ANKMY1: variants seen among roughly 807,000 people sequenced by gnomAD.
ANKMY1 encodes ankyrin repeat and MYND domain-containing protein 1.
Under a neutral mutation model 102.0 loss-of-function variants are expected in ANKMY1, and 98 were observed. That is an observed-to-expected ratio of 0.96 (90% confidence interval 0.82 to 1.14). The LOEUF is 1.14. ANKMY1 is among the 50% of genes most tolerant of loss of function. The pLI, the probability that ANKMY1 is intolerant of heterozygous loss-of-function variation, is 0.00. For synonymous variants in ANKMY1, 582 were observed against 559.9 expected (o/e 1.04, Z -0.56); for missense variants, 1,330 against 1,347.6 (o/e 0.99, Z 0.20).
chr2:240,528,174 C>A (rs2084328429), intron 5 of ANKMY1, among the ~76,000 whole-genome samples: 1 of 151,864 alleles, frequency 6.6e-6, no homozygotes, highest in Non-Finnish European at 1.5e-5. Flanking sequence ...GTAATCCCAG[C>A]TACTCGGGAG....
intron 15 of ANKMY1, among the ~76,000 whole-genome samples, chr2:240,483,652 T>TTCTTCCTTTAC (rs1436209072): frequency 5.3e-5 from 8 of 152,228 alleles, no homozygotes; most frequent in African/African-American, 1.7e-4. Flanking sequence ...TCTTCCTTTA[T>TTCTTCCTTTAC]TCTTCCTTTA....
intron 9 of ANKMY1, among the ~76,000 whole-genome samples, chr2:240,517,789 G>A (rs1377544634): frequency 6.6e-6 from 1 of 152,166 alleles, no homozygotes; most frequent in Non-Finnish European, 1.5e-5. Context: ...CTAGGTGACA[G>A]AGTGGGACCC....
chr2:240,500,267 A>G, intron 14 of ANKMY1, 144 bp from the exon 15 acceptor site: 3 of 1,212,720 alleles, frequency 2.5e-6, no homozygotes, highest in Non-Finnish European at 1.1e-6. Flanking sequence ...CTGGGAGCAC[A>G]TACAGCTGCA....
chr2:240,550,674 G>T (rs1212347833), intron 4 of ANKMY1, among the ~76,000 whole-genome samples: 1 of 151,846 alleles, frequency 6.6e-6, no homozygotes, highest in African/African-American at 2.4e-5. Context: ...ATTGTGAGGT[G>T]GTATTTAACT....
chr2:240,498,322 T>C (rs2077552241), intron 15 of ANKMY1, among the ~76,000 whole-genome samples: 1 of 150,374 alleles, frequency 6.7e-6, no homozygotes, highest in Non-Finnish European at 1.5e-5. Context: ...GGTGGGCACA[T>C]GTGTGACGGC....
At chr2:240,484,426 A>G (rs1298020996) in intron 15 of ANKMY1, among the ~76,000 whole-genome samples, 1 of 152,244 alleles carries the variant, frequency 6.6e-6, no homozygotes, top group African/African-American at 2.4e-5. Context: ...ATCTTTGACA[A>G]ACCTGACAAA....
intron 5 of ANKMY1, chr2:240,527,166 A>AGATGAATAGATGGATAAGTGGGTGGGTG: frequency 5.7e-6 from 1 of 174,082 alleles, no homozygotes. Flanking sequence ...GTGGGTGGGT[A>AGATGAATAGATGGATAAGTGGGTGGGTG]GATGAATAGA....
upstream of ANKMY1, among the ~76,000 whole-genome samples, chr2:240,558,885 GT>G (rs1382631243): frequency 6.6e-6 from 1 of 152,070 alleles, no homozygotes; most frequent in Non-Finnish European, 1.5e-5. Context: ...TCAGAAAAAT[GT>G]TTCATTAAAA....
intron 5 of ANKMY1, chr2:240,526,674 C>T (rs2083491991): frequency 7.0e-7 from 1 of 1,424,824 alleles, no homozygotes; most frequent in Non-Finnish European, 9.1e-7. Context: ...GATGCTTGGG[C>T]TATATGTCTG....
intron 9 of ANKMY1, among the ~76,000 whole-genome samples, chr2:240,517,025 GC>G (rs1184614104): frequency 1.3e-5 from 2 of 152,168 alleles, no homozygotes; most frequent in African/African-American, 4.8e-5. Flanking sequence ...AGAATTTGAA[GC>G]TTTTTTCTCT....
rs776684057 is a variant in ANKMY1, at chr2:240,511,918, C to T, written c.2229G>A (p.Pro743=). ...GCAGAGCCGTCCTGCCCCCCTCCTC[C>T]GGGAGGGCTGTGTCCGTGCTGTAGT... ...QAYYSTDTAL[P]EEGGRTALHM... Residue 743 remains proline (P), a synonymous_variant, in exon 11 of 18, where the codon CCG becomes CCA. Coordinates refer to ENST00000401804, the MANE Select transcript of ANKMY1 (RefSeq NM_001282771.3). The T allele has an allele frequency of 1.6e-5, 25 of 1,582,350 alleles. No homozygotes were observed. Among genetic ancestry groups the T allele is most frequent in the African/African-American group, 4.1e-5 (3 of 72,358 alleles).
chr2:240,524,283 A>G lies in ANKMY1; in HGVS notation c.1434T>C (p.Gly478=), dbSNP rs2082915292. The G allele has an allele frequency of 6.2e-7, 1 of 1,613,692 alleles. No homozygotes were observed. Among genetic ancestry groups the G allele is most frequent in the Non-Finnish European group, 8.5e-7 (1 of 1,180,036 alleles). ...LYYEVNVPSQ[G]SYELRPPPAP... Reference sequence around the variant, plus strand: ...CTGGCGGTGGCCTCAGCTCATAGCTACCCTGGGAAGGCACGTTCACCTCAT... The same window carrying G: ...CTGGCGGTGGCCTCAGCTCATAGCTGCCCTGGGAAGGCACGTTCACCTCAT... Residue 478 remains glycine (G), a synonymous_variant, in exon 8 of 18, where the codon GGT becomes GGC. Coordinates refer to ENST00000401804, the MANE Select transcript of ANKMY1 (RefSeq NM_001282771.3).
At chr2:240,557,767 G>A in intron 1 of ANKMY1, 114 bp downstream of exon 1, 3 of 619,326 alleles carry the variant, frequency 4.8e-6, no homozygotes, top group Non-Finnish European at 6.1e-6. Flanking sequence ...CCAGCCCCTC[G>A]GCCCCTCCCT....
chr2:240,509,282 G>C (rs965703281), intron 12 of ANKMY1, 66 bp downstream of exon 12: 26 of 1,307,202 alleles, frequency 2.0e-5, no homozygotes, highest in Non-Finnish European at 2.8e-5. Flanking sequence ...ATGACGGACT[G>C]GTGGGGTGGG....
chr2:240,485,831 AATTC>A (rs2075998671), intron 15 of ANKMY1, among the ~76,000 whole-genome samples: 2 of 152,224 alleles, frequency 1.3e-5, no homozygotes, highest in Non-Finnish European at 2.9e-5. Context: ...GGGCTCAAAT[AATTC>A]TTCTGCCTTA....
intron 13 of ANKMY1, among the ~76,000 whole-genome samples, chr2:240,505,838 GA>G (rs1174322395): frequency 2.6e-5 from 4 of 152,200 alleles, no homozygotes; most frequent in African/African-American, 9.7e-5. Context: ...GGATGCCCCA[GA>G]AAGCCAGGCA....
chr2:240,533,663 G>A (rs903914540), intron 4 of ANKMY1, among the ~76,000 whole-genome samples: 5 of 151,344 alleles, frequency 3.3e-5, no homozygotes, highest in Admixed American at 2.0e-4. Flanking sequence ...TGGCCACCAC[G>A]TTGGACAATG....
In ANKMY1 at chr2:240,557,327, C is replaced by T; in HGVS notation, c.9G>A (p.Gly3=). The T allele has an allele frequency of 6.4e-7, 1 of 1,562,212 alleles. No homozygotes were observed. ...CCTCTAAGCTAAGGGAGGCATGGGC[C>T]CCTTCCATGTCTGTGGTCTTCCAAC... ME[G]AHASLSLEDE... Residue 3 remains glycine, a synonymous_variant, in exon 2 of 18, where the codon GGG becomes GGA. Coordinates refer to ENST00000401804, the MANE Select transcript of ANKMY1 (RefSeq NM_001282771.3).
chr2:240,491,576 C>T (rs1180174492), intron 15 of ANKMY1, among the ~76,000 whole-genome samples: 2 of 152,084 alleles, frequency 1.3e-5, no homozygotes, highest in Non-Finnish European at 2.9e-5. Flanking sequence ...TTTAGGACTC[C>T]CTTGAGCATT....
Sources: allele counts gnomAD v4.1 joint callset (sites outside exome capture counted in the v4.1 genomes callset), GRCh38; gene constraint gnomAD v4.1.1; transcripts MANE v1.5; gene names NCBI Gene and HGNC (gene_info 2026-07-23, HGNC 2026-07-21).